SYT16: variants seen among roughly 807,000 people sequenced by gnomAD.
SYT16 encodes synaptotagmin-16.
Under a neutral mutation model 61.4 loss-of-function variants are expected in SYT16, and 42 were observed. The ratio of observed to expected loss-of-function variants is 0.68; its 90% CI spans 0.53 to 0.89. The LOEUF is 0.89. Ranked by LOEUF, SYT16 falls within the 40% of genes least tolerant of loss-of-function variation. The pLI, the probability that SYT16 is intolerant of heterozygous loss-of-function variation, is 0.00. For synonymous variants in SYT16, 314 were observed against 302.3 expected, an observed-to-expected ratio of 1.04 and a Z score of -0.40; for missense variants, 804 against 807.3, an observed-to-expected ratio of 1.00 and a Z score of 0.05.
chr14:62,057,621 G>A (rs2055623677), intron 3 of SYT16, among the ~76,000 whole-genome samples: 1 of 152,140 alleles, frequency 6.6e-6, no homozygotes, highest in Non-Finnish European at 1.5e-5. Context: ...AGTACTTATT[G>A]GCTCATGACT....
Position 62,100,719 on chromosome 14 carries a change from TG to T in SYT16, c.*13del. 1 of 1,606,046 alleles carries T rather than the reference TG, an allele frequency of 6.2e-7. No homozygotes were observed. Among genetic ancestry groups the T allele is most frequent in the East Asian group, 2.2e-5 (1 of 44,816 alleles). Reference sequence around the variant, plus strand: ...TGCTGGAATCCTAGGTTTGCTAACCTGCATTTGTGTGCTGTGTCCACCTTGG... The same window carrying T: ...TGCTGGAATCCTAGGTTTGCTAACCTCATTTGTGTGCTGTGTCCACCTTGG... On this transcript the variant is annotated 3_prime_UTR_variant, in exon 8 of 8. Coordinates refer to ENST00000683842, the MANE Select transcript of SYT16 (RefSeq NM_001367656.1).
intron 1 of SYT16, among the ~76,000 whole-genome samples, chr14:61,947,877 G>C (rs1388538317): frequency 6.6e-6 from 1 of 152,166 alleles, no homozygotes; most frequent in Non-Finnish European, 1.5e-5. Context: ...ACTTTCCAGA[G>C]GGTCCTAACA....
intron 7 of SYT16, among the ~76,000 whole-genome samples, chr14:62,093,073 G>A (rs182635857): frequency 1.3e-5 from 2 of 152,112 alleles, no homozygotes; most frequent in East Asian, 3.9e-4. Flanking sequence ...GGAGCAGGGA[G>A]TTTATGGGAA....
chr14:62,070,055 C>G (rs547078430), intron 4 of SYT16, among the ~76,000 whole-genome samples: 1 of 152,164 alleles, frequency 6.6e-6, no homozygotes, highest in South Asian at 2.1e-4. Flanking sequence ...TGTGGGACCC[C>G]TTCCCTTTCT....
chr14:62,036,521 G>A (rs1959320), intron 3 of SYT16, among the ~76,000 whole-genome samples: 38,936 of 151,892 alleles, frequency 0.26, 5,134 homozygotes, highest in South Asian at 0.35. Context: ...GTCCATTCTC[G>A]TGCGGCTAAT....
At chr14:61,962,454 A>T (rs2051153297) in intron 1 of SYT16, among the ~76,000 whole-genome samples, 1 of 150,056 alleles carries the variant, frequency 6.7e-6, no homozygotes, top group Non-Finnish European at 1.5e-5. Context: ...TTTCTCTTTG[A>T]CTTTTGACAG....
chr14:61,853,945 A>G (rs1032667498), intron 1 of SYT16, among the ~76,000 whole-genome samples: 10 of 152,328 alleles, frequency 6.6e-5, no homozygotes, highest in African/African-American at 9.6e-5. Context: ...GTGTCTCTAT[A>G]TACATGCATA....
chr14:62,093,380 A>T (rs922282342), intron 7 of SYT16, among the ~76,000 whole-genome samples: 1 of 152,030 alleles, frequency 6.6e-6, no homozygotes, highest in Admixed American at 6.6e-5. Flanking sequence ...ATCAAAATAT[A>T]TCAGTAGTCA....
At chr14:61,951,166 G>T (rs935744239) in intron 1 of SYT16, among the ~76,000 whole-genome samples, 12 of 152,134 alleles carry the variant, frequency 7.9e-5, no homozygotes, top group African/African-American at 2.7e-4. Flanking sequence ...TAGTAACAGG[G>T]TGAACTTATA....
intron 1 of SYT16, among the ~76,000 whole-genome samples, chr14:61,838,872 G>A (rs571405966): frequency 2.2e-4 from 33 of 152,300 alleles, no homozygotes; most frequent in African/African-American, 7.9e-4. Context: ...TGTGTTTGAT[G>A]TAGGCAACAG....
At chr14:62,076,412 T>C (rs2056497340) in intron 5 of SYT16, among the ~76,000 whole-genome samples, 1 of 151,730 alleles carries the variant, frequency 6.6e-6, no homozygotes, top group South Asian at 2.1e-4. Flanking sequence ...TTATTAGGAC[T>C]TGGAGTGTCA....
chr14:61,886,880 C>CTTTTTTTTTTTTTTTTTTTTTTT (rs371140698), intron 1 of SYT16, among the ~76,000 whole-genome samples: 3 of 110,832 alleles, frequency 2.7e-5, no homozygotes, highest in Non-Finnish European at 5.4e-5. Context: ...TTTTTTTTGT[C>CTTTTTTTTTTTTTTTTTTTTTTT]TTTTTTTTTT....
chr14:62,072,527 G>A (rs926061439), intron 4 of SYT16, among the ~76,000 whole-genome samples: 3 of 152,196 alleles, frequency 2.0e-5, no homozygotes, highest in Admixed American at 2.0e-4. Flanking sequence ...GGCATGAGCT[G>A]AAGCTGTAGT....
intron 3 of SYT16, among the ~76,000 whole-genome samples, chr14:62,054,888 A>G (rs1438468299): frequency 1.3e-5 from 2 of 152,316 alleles, no homozygotes; most frequent in South Asian, 2.1e-4. Context: ...ACAGCTAGAA[A>G]GCTAGAAACT....
chr14:61,872,726 T>G (rs955167117), intron 1 of SYT16, among the ~76,000 whole-genome samples: 2 of 152,236 alleles, frequency 1.3e-5, no homozygotes, highest in Non-Finnish European at 2.9e-5. Context: ...CTTTCTACTC[T>G]GTTTTGTGCT....
At chr14:61,886,882 T>TA (rs1362619440) in intron 1 of SYT16, among the ~76,000 whole-genome samples, 1 of 125,062 alleles carries the variant, frequency 8.0e-6, no homozygotes, top group East Asian at 2.4e-4. Context: ...TTTTTTGTCT[T>TA]TTTTTTTTTT....
At chr14:61,833,706 CT>C (rs11357318) in intron 1 of SYT16, among the ~76,000 whole-genome samples, 9,816 of 48,092 alleles carry the variant, frequency 0.2, 105 homozygotes, top group African/African-American at 0.23. Context: ...CCAGCAGTGG[CT>C]TTTTTTTTTT....
At chr14:62,000,950 A>G (rs959509108) in intron 3 of SYT16, among the ~76,000 whole-genome samples, 1 of 152,022 alleles carries the variant, frequency 6.6e-6, no homozygotes, top group African/African-American at 2.4e-5. Context: ...TTAAAATAAG[A>G]CAAAAAAAGG....
chr14:62,002,668 C>T, intron 3 of SYT16, among the ~76,000 whole-genome samples: 1 of 152,040 alleles, frequency 6.6e-6, no homozygotes, highest in Non-Finnish European at 1.5e-5. Flanking sequence ...TTTTCCTGCC[C>T]CTTCCCCAGG....
Sources: allele counts gnomAD v4.1 joint callset (sites outside exome capture counted in the v4.1 genomes callset), GRCh38; gene constraint gnomAD v4.1.1; transcripts MANE v1.5; gene names NCBI Gene and HGNC (gene_info 2026-07-23, HGNC 2026-07-21).